TBL1XR1: variants seen among roughly 807,000 people sequenced by gnomAD.
TBL1XR1 encodes the protein F-box-like/WD repeat-containing protein TBL1XR1.
Under a neutral mutation model 66.9 loss-of-function variants are expected in TBL1XR1, and 5 were observed. The ratio of observed to expected loss-of-function variants is 0.07; its 90% CI spans 0.04 to 0.16. The LOEUF is 0.16. TBL1XR1 is among the 10% of genes least tolerant of loss of function. The pLI, the probability that TBL1XR1 is intolerant of heterozygous loss-of-function variation, is 1.00. For synonymous variants in TBL1XR1, 210 were observed against 206.0 expected, an observed-to-expected ratio of 1.02 and a Z score of -0.17; for missense variants, 238 against 623.2, an observed-to-expected ratio of 0.38 and a Z score of 6.58.
chr3:177,183,521 AT>A (rs1050331654), intron 1 of TBL1XR1, among the ~76,000 whole-genome samples: 5 of 151,804 alleles, frequency 3.3e-5, no homozygotes, highest in African/African-American at 9.7e-5. Flanking sequence ...GAAAGCAAAA[AT>A]TTTTTTGAGA....
At chr3:177,198,599 CTT>C (rs1737228021), upstream of TBL1XR1, among the ~76,000 whole-genome samples, 1 of 152,114 alleles carries the variant, frequency 6.6e-6, no homozygotes, top group African/African-American at 2.4e-5. Context: ...CTTTCTAAGA[CTT>C]TCAGAAAGAT....
chr3:177,131,662 C>A (rs1000619354), intron 1 of TBL1XR1, among the ~76,000 whole-genome samples: 4 of 151,824 alleles, frequency 2.6e-5, no homozygotes, highest in Non-Finnish European at 5.9e-5. Context: ...CCACCATGCC[C>A]GGCTAATTTT....
chr3:177,187,904 A>AG (rs1204856552), intron 1 of TBL1XR1, among the ~76,000 whole-genome samples: 1 of 146,318 alleles, frequency 6.8e-6, no homozygotes, highest in African/African-American at 2.5e-5. Context: ...ACATTTAAAA[A>AG]GAAAAAAAAA....
intron 1 of TBL1XR1, among the ~76,000 whole-genome samples, chr3:177,103,566 C>CA (rs892473393): frequency 6.6e-6 from 1 of 152,090 alleles, no homozygotes; most frequent in Non-Finnish European, 1.5e-5. Context: ...TAAAGAAAAG[C>CA]AAATGATATA....
intron 1 of TBL1XR1, among the ~76,000 whole-genome samples, chr3:177,100,603 T>G (rs1199511537): frequency 6.6e-6 from 1 of 152,080 alleles, no homozygotes; most frequent in Non-Finnish European, 1.5e-5. Context: ...TTTGGTATTT[T>G]TAGTAGAGAC....
At chr3:177,056,062 A>C (rs2108510769) in intron 3 of TBL1XR1, among the ~76,000 whole-genome samples, 2 of 152,322 alleles carry the variant, frequency 1.3e-5, no homozygotes, top group South Asian at 4.1e-4. Context: ...CCTGATAGAA[A>C]GTAAAAGACT....
At chr3:177,183,866 C>G (rs1044683973) in intron 1 of TBL1XR1, among the ~76,000 whole-genome samples, 8 of 151,978 alleles carry the variant, frequency 5.3e-5, no homozygotes, top group African/African-American at 1.7e-4. Context: ...CTTCGGGAGG[C>G]CAAGGCAAGG....
intron 1 of TBL1XR1, among the ~76,000 whole-genome samples, chr3:177,174,587 G>C (rs939364846): frequency 1.3e-5 from 2 of 151,974 alleles, no homozygotes; most frequent in East Asian, 3.8e-4. Context: ...AGAAAAAGAG[G>C]AGCAGTAGCA....
chr3:177,150,769 A>ATG (rs2108851453), intron 1 of TBL1XR1, among the ~76,000 whole-genome samples: 1 of 152,326 alleles, frequency 6.6e-6, no homozygotes, highest in African/African-American at 2.4e-5. Context: ...GAAAGTAATT[A>ATG]TCTAAGGACG....
chr3:177,058,885 G>A (rs1718151543), intron 3 of TBL1XR1, among the ~76,000 whole-genome samples: 1 of 151,956 alleles, frequency 6.6e-6, no homozygotes, highest in Non-Finnish European at 1.5e-5. Flanking sequence ...AGCAAAAAAT[G>A]GTAATTCAGC....
chr3:177,034,817 GA>G (rs897202533), intron 12 of TBL1XR1, among the ~76,000 whole-genome samples: 1 of 151,046 alleles, frequency 6.6e-6, no homozygotes, highest in Non-Finnish European at 1.5e-5. Context: ...AAAAAAAGTA[GA>G]AAAAAGTAGT....
chr3:177,148,701 G>A (rs1007303211), intron 1 of TBL1XR1, among the ~76,000 whole-genome samples: 1 of 149,484 alleles, frequency 6.7e-6, no homozygotes, highest in Non-Finnish European at 1.5e-5. Context: ...AATAAGACTC[G>A]AGAAAAAAAT....
intron 14 of TBL1XR1, chr3:177,027,152 T>C (rs964242357): frequency 1.3e-5 from 2 of 152,186 alleles, no homozygotes; most frequent in Admixed American, 6.6e-5. Flanking sequence ...CATGCCACCA[T>C]GCCCAGCTGA....
At chr3:177,026,176 G>A (rs892039688) in intron 15 of TBL1XR1, 197 bp downstream of exon 15, 21 of 553,872 alleles carry the variant, frequency 3.8e-5, no homozygotes, top group Middle Eastern at 4.6e-4. Context: ...AAGGTATTTG[G>A]TAAGGACAGC....
chr3:177,149,898 A>C (rs940356158), intron 1 of TBL1XR1, among the ~76,000 whole-genome samples: 2 of 152,198 alleles, frequency 1.3e-5, no homozygotes, highest in African/African-American at 4.8e-5. Flanking sequence ...CCTTTACATA[A>C]ACAGTGTGCT....
At chr3:177,111,401 T>C (rs1725547421) in intron 1 of TBL1XR1, among the ~76,000 whole-genome samples, 1 of 151,752 alleles carries the variant, frequency 6.6e-6, no homozygotes, top group Admixed American at 6.6e-5. Flanking sequence ...GCCTCCCGAG[T>C]AGCTGGGACT....
At chr3:177,036,503 CCT>C (rs1340483269) in intron 12 of TBL1XR1, among the ~76,000 whole-genome samples, 57 of 152,322 alleles carry the variant, frequency 3.7e-4, no homozygotes, top group African/African-American at 1.3e-3. Flanking sequence ...CTAGTTTTAA[CCT>C]CTCTCCAGCT....
chr3:177,143,871 T>C (rs1031152499), intron 1 of TBL1XR1, among the ~76,000 whole-genome samples: 2 of 152,216 alleles, frequency 1.3e-5, no homozygotes, highest in African/African-American at 4.8e-5. Flanking sequence ...CAAGTGAGAC[T>C]GGTAGAAATC....
Position 177,163,054 on chromosome 3 carries a change from T to C in TBL1XR1, c.-122+34067A>G, listed in dbSNP as rs553896279. 5.3e-5 allele frequency among the ~76,000 whole-genome samples: 8 copies of C among 152,314 alleles called. No homozygotes were observed. In the South Asian group the frequency reaches 1.4e-3, roughly 28 times the overall value. On this transcript the variant is annotated intron_variant, in intron 1 of 15. Coordinates refer to ENST00000457928, the MANE Select transcript of TBL1XR1 (RefSeq NM_024665.7). ...AGCAATTCCAATTATTTATTTATCATACAGATATCCTTTTATGCATAGGGA... is the reference window on the plus strand; with the variant it reads ...AGCAATTCCAATTATTTATTTATCACACAGATATCCTTTTATGCATAGGGA...
Sources: allele counts gnomAD v4.1 joint callset (sites outside exome capture counted in the v4.1 genomes callset), GRCh38; gene constraint gnomAD v4.1.1; transcripts MANE v1.5; gene names NCBI Gene and HGNC (gene_info 2026-07-23, HGNC 2026-07-21).